The following ARFGEF3 variants were observed in gnomAD, a reference collection of about 807,000 sequenced individuals.
ARFGEF3 encodes brefeldin A-inhibited guanine nucleotide-exchange protein 3.
ARFGEF3 carries 96 observed loss-of-function variants against 221.7 expected under a neutral mutation model. That is an observed-to-expected ratio of 0.43 (90% CI 0.37 to 0.51). The LOEUF (loss-of-function observed/expected upper bound fraction) is 0.51. Ranked by LOEUF, ARFGEF3 falls within the 20% of genes least tolerant of loss-of-function variation. The probability of loss-of-function intolerance (pLI) is 0.00; values close to 1 mark genes in which losing one functional copy is unlikely to be tolerated. For synonymous variants in ARFGEF3, 1,145 were observed against 1,126.8 expected (o/e 1.02, Z -0.32); for missense variants, 2,410 against 2,789.9 (o/e 0.86, Z 3.07).
In ARFGEF3 at chr6:138,333,460, G is replaced by A. The variant is rs556207610; in HGVS notation, c.5124-510G>A. On this transcript the variant is annotated intron_variant, in intron 32 of 33. Coordinates refer to ENST00000251691, the MANE Select transcript of ARFGEF3 (RefSeq NM_020340.5). ...AGCTTTGGGAATTTTTTTTCTTTTT[G>A]AGACAGAGTCTTGCTCTGTTGCCCA... 7.3e-5 allele frequency among the ~76,000 whole-genome samples: 11 copies of A among 151,704 alleles called. No individual in the cohort carries two copies. The South Asian group carries it at 1.9e-3, about 26-fold the overall frequency.
At chr6:138,227,397 C>T (rs886468791) in intron 4 of ARFGEF3, among the ~76,000 whole-genome samples, 1 of 152,224 alleles carries the variant, frequency 6.6e-6, no homozygotes, top group African/African-American at 2.4e-5. Context: ...GTTTCAAACA[C>T]TTCTTCCTAA....
At chr6:138,179,671 A>G (rs528199284) in intron 2 of ARFGEF3, among the ~76,000 whole-genome samples, 1 of 152,194 alleles carries the variant, frequency 6.6e-6, no homozygotes, top group South Asian at 2.1e-4. Flanking sequence ...CTTGGAGAGA[A>G]CCATCCATAA....
At chr6:138,330,603 G>C (rs1210390353) in intron 32 of ARFGEF3, among the ~76,000 whole-genome samples, 1 of 152,202 alleles carries the variant, frequency 6.6e-6, no homozygotes, top group Non-Finnish European at 1.5e-5. Flanking sequence ...CCAGGAGGCA[G>C]AGGTTGCAGT....
chr6:138,262,060 C>T (rs1466371961), intron 11 of ARFGEF3, among the ~76,000 whole-genome samples: 1 of 152,056 alleles, frequency 6.6e-6, no homozygotes, highest in Non-Finnish European at 1.5e-5. Context: ...TAACTATTTT[C>T]TATTTGAAAC....
intron 2 of ARFGEF3, among the ~76,000 whole-genome samples, chr6:138,171,591 T>C (rs1190882040): frequency 6.6e-6 from 1 of 151,938 alleles, no homozygotes. Context: ...AATGCCTGCC[T>C]CTGTAGAAAA....
rs1776645843 is a variant in ARFGEF3, at chr6:138,162,842, G to A, written c.85+671G>A. 1.3e-5 allele frequency among the ~76,000 whole-genome samples: 2 copies of A among 152,170 alleles called. No homozygotes were observed. The highest frequency in any genetic ancestry group is 1.3e-4 in the Admixed American group (2 of 15,280). On this transcript the variant is annotated intron_variant, in intron 1 of 33. Transcript: ENST00000251691. The surrounding 1 kb of genome is among the most constrained non-coding windows in gnomAD (Gnocchi z 4.7). Reference sequence around the variant, plus strand: ...ACTCAGCAGCGGAAAAAAACGGAAAGACATTTCAGTTAGGCGGGGTTTGGG... The same window carrying A: ...ACTCAGCAGCGGAAAAAAACGGAAAAACATTTCAGTTAGGCGGGGTTTGGG...
At chr6:138,249,635 T>A (rs185100330) in intron 8 of ARFGEF3, among the ~76,000 whole-genome samples, 6 of 152,330 alleles carry the variant, frequency 3.9e-5, no homozygotes, top group Admixed American at 3.3e-4. Context: ...GAATAGGTTT[T>A]AAATGGAGAA....
Position 138,209,664 on chromosome 6 carries a change from G to T in ARFGEF3, c.220-246G>T, listed in dbSNP as rs547633673. On this transcript the variant is annotated intron_variant, in intron 3 of 33. Coordinates refer to ENST00000251691, the MANE Select transcript of ARFGEF3 (RefSeq NM_020340.5). ...GGAGTTTCACCATGTTGGCCAGGCTGATCTCCAACCCCTGACCTCATGACC... is the reference window on the plus strand; with the variant it reads ...GGAGTTTCACCATGTTGGCCAGGCTTATCTCCAACCCCTGACCTCATGACC... Among the ~76,000 whole-genome samples, 3 of 152,240 alleles carry T rather than the reference G, an allele frequency of 2.0e-5. No individual in the cohort carries two copies. In the South Asian group the frequency reaches 6.2e-4, roughly 32 times the overall value.
intron 14 of ARFGEF3, among the ~76,000 whole-genome samples, chr6:138,285,553 T>C (rs887572793): frequency 2.6e-5 from 4 of 152,192 alleles, no homozygotes; most frequent in Admixed American, 1.3e-4. Flanking sequence ...TCTTAATTCA[T>C]GTAAGGAAGC....
chr6:138,161,958 G>GC lies in ARFGEF3; in HGVS notation c.-127dup, dbSNP rs1447227117. 1.3e-5 allele frequency: 4 copies of GC among 299,278 alleles called. No individual in the cohort carries two copies. The highest frequency in any genetic ancestry group is 2.3e-5 in the Non-Finnish European group (4 of 172,682). The allele number at this position is 299,278 out of a possible 1,614,324, so 18.5% of individuals were successfully genotyped here. On this transcript the variant is annotated 5_prime_UTR_variant, in exon 1 of 34. Coordinates refer to ENST00000251691, the MANE Select transcript of ARFGEF3 (RefSeq NM_020340.5). ...GCGGGCGTGATTCATCAGCATCCGC[G>GC]CCGGGGCGGCATGGGGGCGCGCGCG...
In ARFGEF3 at chr6:138,324,576, A is replaced by T. The variant is rs552285943; in HGVS notation, c.5001+422A>T. On this transcript the variant is annotated intron_variant, in intron 31 of 33. Coordinates refer to ENST00000251691, the MANE Select transcript of ARFGEF3 (RefSeq NM_020340.5). ...CTTAACATTTAAAAGTTGCTTAATAAATTTGAGTTGAATGTAACATTAAAA... is the reference window on the plus strand; with the variant it reads ...CTTAACATTTAAAAGTTGCTTAATATATTTGAGTTGAATGTAACATTAAAA... 1.1e-4 allele frequency among the ~76,000 whole-genome samples: 17 copies of T among 152,346 alleles called. No individual in the cohort carries two copies. The South Asian group carries it at 3.5e-3, about 32-fold the overall frequency.
rs1780474737 is a variant in ARFGEF3 at position 138,344,037 on chromosome 6, A to G, written c.*7551A>G. The stretch of plus-strand genomic sequence containing the variant: ...TAATCATGCTAAGAGACTATTATTC[A>G]ATATGCTTTTCCCGCTTTTCTAAGA... On this transcript the variant is annotated 3_prime_UTR_variant, in exon 34 of 34. Coordinates refer to ENST00000251691, the MANE Select transcript of ARFGEF3 (RefSeq NM_020340.5). 1 of 152,184 alleles carries G rather than the reference A, an allele frequency of 6.6e-6. No individual in the cohort carries two copies. The highest frequency in any genetic ancestry group is 2.1e-4 in the South Asian group (1 of 4,828). 9.4% of individuals were successfully genotyped at this position (152,184 alleles called of 1,614,324 possible).
At chr6:138,322,593 G>A (rs369586150) in intron 29 of ARFGEF3, among the ~76,000 whole-genome samples, 36 of 152,106 alleles carry the variant, frequency 2.4e-4, no homozygotes, top group South Asian at 1.2e-3. Context: ...TCAGGAGTTC[G>A]AGACTAGCCT....
chr6:138,318,478 T>C (rs1323024659), intron 27 of ARFGEF3, among the ~76,000 whole-genome samples: 2 of 152,210 alleles, frequency 1.3e-5, no homozygotes, highest in Non-Finnish European at 2.9e-5. Flanking sequence ...AGCATGTAAA[T>C]ATTCTGCAGG....
rs995360863 is a variant in ARFGEF3 at position 138,342,946 on chromosome 6, C to T, written c.*6460C>T. 2 of 152,116 alleles carry T rather than the reference C, an allele frequency of 1.3e-5. No individual in the cohort carries two copies. The highest frequency in any genetic ancestry group is 2.9e-5 in the Non-Finnish European group (2 of 68,026). 9.4% of individuals were successfully genotyped at this position (152,116 alleles called of 1,614,324 possible). A position where few individuals can be genotyped will look rare whatever the true frequency, so the allele number is the denominator to read the frequency against. ...ATTCCCTTTTAAGCAGCAGGTGTGC[C>T]TGTTTTTGACTTTTCAGTAAATATG... On this transcript the variant is annotated 3_prime_UTR_variant, in exon 34 of 34. Coordinates refer to ENST00000251691, the MANE Select transcript of ARFGEF3 (RefSeq NM_020340.5).
intron 29 of ARFGEF3, among the ~76,000 whole-genome samples, chr6:138,322,098 G>C (rs4895519): frequency 0.057 from 8,602 of 152,224 alleles, 254 homozygotes; most frequent in African/African-American, 0.075. Flanking sequence ...GGAGATAGCA[G>C]AGCAGATGGC....
intron 20 of ARFGEF3, among the ~76,000 whole-genome samples, chr6:138,295,359 C>T (rs899208533): frequency 4.6e-4 from 70 of 151,940 alleles, no homozygotes; most frequent in Admixed American, 2.8e-3. Context: ...GCAGCTCATG[C>T]CTATAATCCC....
intron 12 of ARFGEF3, among the ~76,000 whole-genome samples, chr6:138,265,527 A>AT (rs1778877636): frequency 6.6e-6 from 1 of 152,132 alleles, no homozygotes; most frequent in Admixed American, 6.6e-5. Flanking sequence ...TTCCTAAAAA[A>AT]TTATTTTTCT....
chr6:138,177,255 A>AT (rs140862254), intron 2 of ARFGEF3, among the ~76,000 whole-genome samples: 6,116 of 151,364 alleles, frequency 0.04, 136 homozygotes, highest in Middle Eastern at 0.092. Flanking sequence ...CACCCAGCTA[A>AT]TTTCTGTATT....
Sources: gnomAD v4.1 joint callset for allele counts (sites outside exome capture counted in the v4.1 genomes callset) on GRCh38, gnomAD v4.1.1 for gene constraint, Gnocchi (gnomAD v3.1) non-coding constraint, MANE v1.5 for transcripts, NCBI Gene and HGNC (gene_info 2026-07-23, HGNC 2026-07-21) for gene names.